The following CGN variants were observed in gnomAD, a reference collection of about 807,000 sequenced individuals.
The protein encoded by CGN is cingulin.
CGN carries 121 observed loss-of-function variants against 157.1 expected under a neutral mutation model. The ratio of observed to expected loss-of-function variants is 0.77; its 90% CI spans 0.66 to 0.90. The LOEUF (loss-of-function observed/expected upper bound fraction) is 0.90, where lower values mean the gene tolerates loss of function less well. CGN is among the 40% of genes least tolerant of loss of function. CGN has a pLI of 0.00. For missense variants in CGN, 1,424 were observed against 1,520.9 expected (o/e 0.94, Z 1.06); for synonymous variants, 535 against 607.5 (o/e 0.88, Z 1.76).
intron 5 of CGN, among the ~76,000 whole-genome samples, chr1:151,522,879 A>T (rs1664572216): frequency 6.6e-6 from 1 of 151,784 alleles, no homozygotes; most frequent in Non-Finnish European, 1.5e-5. Flanking sequence ...TCGCCATTGC[A>T]CTCCAGCCTA....
chr1:151,514,740 G>A (rs886259208), intron 1 of CGN, among the ~76,000 whole-genome samples: 12 of 152,194 alleles, frequency 7.9e-5, no homozygotes, highest in South Asian at 6.2e-4. Flanking sequence ...ACTATAGAGC[G>A]TATAACGTGG....
chr1:151,524,754 G>C lies in CGN; in HGVS notation c.1482G>C (p.Glu494Asp). Residue 494 changes from glutamate (E) to aspartate (D), a missense_variant, in exon 8 of 21, where the codon GAG becomes GAC. Glu to Asp is a conservative substitution (Grantham distance 45). Transcript: ENST00000271636. This position sits in a 1 kb window ranked among gnomAD's most constrained non-coding sequence, Gnocchi z 4.4. Reference protein sequence around the residue: ...QRVEEQLRLRERELTALKGAL... With the variant: ...QRVEEQLRLRDRELTALKGAL... ...TAGAGGAGCAGCTGAGGCTGCGGGAGCGGGAGTTGACAGCCCTGAAGGGGG... is the reference window on the plus strand; with the variant it reads ...TAGAGGAGCAGCTGAGGCTGCGGGACCGGGAGTTGACAGCCCTGAAGGGGG... 6.8e-6 allele frequency: 11 copies of C among 1,611,960 alleles called. No individual in the cohort carries two copies. The highest frequency in any genetic ancestry group is 9.3e-6 in the Non-Finnish European group (11 of 1,179,648).
In CGN at chr1:151,519,392, G is replaced by C; in HGVS notation, c.873G>C (p.Gln291His). The C allele has an allele frequency of 6.3e-7, 1 of 1,581,642 alleles. No individual in the cohort carries two copies. Among genetic ancestry groups the C allele is most frequent in the Non-Finnish European group, 8.5e-7 (1 of 1,169,830 alleles). ...RRSAQDPTML[Q>H]FKSTPDLLRD... ...GTGCACAGGACCCCACCATGCTGCA[G>C]GTCAGACCCAGCCCCTCCCTGACTT... Residue 291 changes from glutamine (Q) to histidine (H), a missense_variant and splice_region_variant, in exon 2 of 21, where the codon CAG (glutamine) becomes CAC (histidine). Around this residue, in one of 3 missense-constraint regions of CGN, gnomAD observed 1,187 missense variants for 1,217.6 expected, o/e 0.97. Transcript: ENST00000271636.
Position 151,518,674 on chromosome 1 carries a change from G to GGGTTGCTGT in CGN, c.157_165dup (p.Val53_Val55dup), listed in dbSNP as rs747240975. On this transcript the variant is annotated inframe_insertion, in exon 2 of 21. Coordinates refer to ENST00000271636, the MANE Select transcript of CGN (RefSeq NM_020770.3). ...AAGGATGCAAGAGCCAGTACCTACG[G>GGGTTGCTGT]GGTTGCTGTGCGTGTGCAGGGAATC... 1 of 1,614,168 alleles carries GGGTTGCTGT rather than the reference G, an allele frequency of 6.2e-7. No homozygotes were observed. The highest frequency in any genetic ancestry group is 8.5e-7 in the Non-Finnish European group (1 of 1,180,026).
intron 10 of CGN, chr1:151,527,973 T>TTTTG (rs1664731100): frequency 6.6e-6 from 1 of 152,384 alleles, no homozygotes; most frequent in East Asian, 1.9e-4. Flanking sequence ...TTTTTTTTTT[T>TTTTG]GAGACGGAGT....
In CGN at chr1:151,524,496, C is replaced by G; in HGVS notation, c.1401+138C>G. The G allele has an allele frequency of 7.3e-7, 1 of 1,363,734 alleles. No homozygotes were observed. The highest frequency in any genetic ancestry group is 1.0e-6 in the Non-Finnish European group (1 of 991,754). 84.5% of individuals were successfully genotyped at this position (1,363,734 alleles called of 1,614,324 possible). A position where few individuals can be genotyped will look rare whatever the true frequency, so the allele number is the denominator to read the frequency against. On this transcript the variant is annotated intron_variant, in intron 7 of 20. Coordinates refer to ENST00000271636, the MANE Select transcript of CGN (RefSeq NM_020770.3). The surrounding 1 kb of genome is among the most constrained non-coding windows in gnomAD (Gnocchi z 4.4). ...TACTCAGTGTGCTTTCAGGTAGATT[C>G]AATGGTGTGTTGGGACTAGAGTTAG...
chr1:151,523,388 G>A (rs750567768), intron 5 of CGN, 46 bp from the exon 6 acceptor site: 3 of 1,551,096 alleles, frequency 1.9e-6, no homozygotes, highest in South Asian at 2.5e-5. Context: ...CTTTCTGAGA[G>A]GCTTTCCCTA....
chr1:151,521,275 G>GT (rs1308189477), intron 5 of CGN, among the ~76,000 whole-genome samples: 5 of 152,270 alleles, frequency 3.3e-5, no homozygotes, highest in Admixed American at 1.3e-4. Context: ...CATCATATTG[G>GT]TTTGTGTGTA....
rs1443168844 is a variant in CGN at position 151,520,611 on chromosome 1, T to C, written c.1060T>C (p.Ser354Pro). ...MQPLVMVSSG[S>P]TKAVAGQGEL... is the part of the protein sequence containing the mutation. ...TCTCTGGCAGATGGTTTCTTCTGGT[T>C]CTACTAAGGCCGTGGCAGGGCAGGG... The change falls in exon 5 of 21, where the codon TCT becomes CCT. Residue 354 changes from serine (S) to proline (P), a missense_variant. Ser to Pro is a moderately conservative substitution (Grantham distance 74). This residue lies in a region of CGN where 1,187 missense variants were observed against 1,217.6 expected (regional missense o/e 0.97). Transcript: ENST00000271636. 4 of 1,614,070 alleles carry C rather than the reference T, an allele frequency of 2.5e-6. No homozygotes were observed. In the Admixed American group the frequency reaches 6.7e-5, roughly 27 times the overall value.
intron 3 of CGN, 38 bp downstream of exon 3, chr1:151,520,304 T>G: frequency 6.4e-7 from 1 of 1,568,864 alleles, no homozygotes; most frequent in South Asian, 1.1e-5. Flanking sequence ...GGCATACCCC[T>G]CCTTCTTTTT....
At position 151,537,294 on chromosome 1, in the gene CGN, C is replaced by T. The variant is rs575656488; in HGVS notation, c.3560C>T (p.Ser1187Leu). 114 of 1,613,994 alleles carry T rather than the reference C, an allele frequency of 7.1e-5. 1 individual carries two copies. The East Asian group carries it at 2.3e-3, about 33-fold the overall frequency. The change falls in exon 21 of 21, where the codon TCG (serine) becomes TTG (leucine). Residue 1187 changes from serine (S) to leucine (L), a missense_variant. Physicochemically the swap from Ser to Leu is moderately radical, Grantham distance 145 (BLOSUM62 -2). Around this residue, in one of 3 missense-constraint regions of CGN, gnomAD observed 38 missense variants for 31.1 expected, o/e 1.22. Coordinates refer to ENST00000271636, the MANE Select transcript of CGN (RefSeq NM_020770.3). ...DEEFDSVYDP[S>L]SIASLLTESN... ...GAATTCGACAGTGTCTACGATCCCT[C>T]GTCCATTGCATCACTGCTTACGGAG... is the stretch of plus-strand genomic sequence containing the variant.
Position 151,529,986 on chromosome 1 carries a change from C to T in CGN, c.2184C>T (p.Thr728=). Residue 728 remains threonine (T), a synonymous_variant, in exon 12 of 21, where the codon ACC becomes ACT. Transcript: ENST00000271636. The stretch of plus-strand genomic sequence containing the variant: ...CAGTGGAGACGACGCTTCGGGAGAC[C>T]CAGGAGGAAAATGACGAATTCCGCC... ...RAAVETTLRE[T]QEENDEFRRR... 6.2e-7 allele frequency: 1 copy of T among 1,614,090 alleles called. No homozygotes were observed. Among genetic ancestry groups the T allele is most frequent in the Non-Finnish European group, 8.5e-7 (1 of 1,180,002 alleles).
At chr1:151,517,035 G>A (rs1013044462) in intron 1 of CGN, among the ~76,000 whole-genome samples, 52 of 151,678 alleles carry the variant, frequency 3.4e-4, no homozygotes, top group African/African-American at 1.0e-3. Flanking sequence ...GCAGGTGCCT[G>A]TAATCCCAGC....
At position 151,525,418 on chromosome 1, in the gene CGN, A is replaced by G. The variant is rs559327927; in HGVS notation, c.1615-224A>G. On this transcript the variant is annotated intron_variant, in intron 8 of 20. Coordinates refer to ENST00000271636, the MANE Select transcript of CGN (RefSeq NM_020770.3). ...TGTCCCCCTAAAAATAAAAAGTCCC[A>G]AGGGGAAATAACTGGGGAGGTTTCC... 4.6e-5 allele frequency among the ~76,000 whole-genome samples: 7 copies of G among 152,226 alleles called. No homozygotes were observed. In the South Asian group the frequency reaches 8.3e-4, roughly 18 times the overall value.
At position 151,524,634 on chromosome 1, in the gene CGN, A is replaced by G. The variant is rs1308826016; in HGVS notation, c.1402-40A>G. 1 of 1,516,486 alleles carries G rather than the reference A, an allele frequency of 6.6e-7. No homozygotes were observed. The highest frequency in any genetic ancestry group is 9.0e-7 in the Non-Finnish European group (1 of 1,112,120). 93.9% of individuals were successfully genotyped at this position (1,516,486 alleles called of 1,614,324 possible). ...GTGAATTGATAAACAGATGGATTCT[A>G]ATATGGTCACCCCTGTACTTCTTCC... On this transcript the variant is annotated intron_variant, in intron 7 of 20. Transcript: ENST00000271636. The surrounding 1 kb of genome is among the most constrained non-coding windows in gnomAD (Gnocchi z 4.4).
rs1206283574 is a variant in CGN at position 151,518,743 on chromosome 1, G to T, written c.224G>T (p.Gly75Val). 2 of 1,614,172 alleles carry T rather than the reference G, an allele frequency of 1.2e-6. No individual in the cohort carries two copies. The highest frequency in any genetic ancestry group is 1.7e-6 in the Non-Finnish European group (2 of 1,180,026). ...FVVLNSGEKG[G>V]DSFGVQIKGA... ...GTGCTCAACAGTGGGGAGAAAGGCG[G>T]TGACTCCTTTGGGGTCCAAATCAAG... The change falls in exon 2 of 21, where the codon GGT becomes GTT. Residue 75 changes from glycine to valine, a missense_variant. Coordinates refer to ENST00000271636, the MANE Select transcript of CGN (RefSeq NM_020770.3).
In CGN at chr1:151,530,676, G is replaced by A. The variant is rs571710540; in HGVS notation, c.2501G>A (p.Arg834Gln). The A allele has an allele frequency of 5.1e-5, 79 of 1,563,976 alleles. 2 individuals are homozygous for A. In the South Asian group the frequency reaches 5.6e-4, roughly 11 times the overall value. Reference protein sequence around the residue: ...EEEGKQREVLRRGKAELEEQK... With the variant: ...EEEGKQREVLQRGKAELEEQK... Reference sequence around the variant, plus strand: ...GAAGGGAAGCAGCGGGAGGTGCTCCGGCGAGGCAAGGCTGAGCTGGAGGAG... The same window carrying A: ...GAAGGGAAGCAGCGGGAGGTGCTCCAGCGAGGCAAGGCTGAGCTGGAGGAG... Residue 834 changes from arginine (R) to glutamine (Q), a missense_variant, in exon 13 of 21, where the codon CGG becomes CAG. Transcript: ENST00000271636.
intron 1 of CGN, among the ~76,000 whole-genome samples, chr1:151,517,556 G>C (rs1189703703): frequency 6.8e-6 from 1 of 146,672 alleles, no homozygotes; most frequent in Admixed American, 7.0e-5. Context: ...TGTCACCCAA[G>C]CTGGAGTGCA....
intron 10 of CGN, among the ~76,000 whole-genome samples, chr1:151,528,216 T>C (rs957980609): frequency 3.3e-5 from 5 of 151,982 alleles, no homozygotes; most frequent in African/African-American, 1.2e-4. Context: ...CTTGATCTCC[T>C]GACCTTGTGA....
Sources: gnomAD v4.1 joint callset for allele counts (sites outside exome capture counted in the v4.1 genomes callset) on GRCh38, gnomAD v4.1.1 for gene constraint, gnomAD v4.1.1 regional missense constraint, Gnocchi (gnomAD v3.1) non-coding constraint, MANE v1.5 for transcripts, NCBI Gene and HGNC (gene_info 2026-07-23, HGNC 2026-07-21) for gene names.